Variants in ST3GAL1 observed in about 807,000 individuals in gnomAD.
ST3GAL1 encodes the protein ST3 beta-galactoside alpha-2,3-sialyltransferase 1, also known as CMP-N-acetylneuraminate-beta-galactosamide-alpha-2,3-sialyltransferase 1.
ST3GAL1 carries 16 observed loss-of-function variants against 34.1 expected under a neutral mutation model. The observed-to-expected ratio is 0.47, with a 90% CI of 0.32 to 0.71. The LOEUF (loss-of-function observed/expected upper bound fraction) is 0.71, where lower values mean the gene tolerates loss of function less well. ST3GAL1 is among the 30% of genes least tolerant of loss of function. The pLI, the probability that ST3GAL1 is intolerant of heterozygous loss-of-function variation, is 0.04. For synonymous variants in ST3GAL1, 191 were observed against 184.7 expected (o/e 1.03, Z -0.28); for missense variants, 353 against 447.4 (o/e 0.79, Z 1.90).
chr8:133,550,448 G>A (rs1232148548), intron 1 of ST3GAL1, among the ~76,000 whole-genome samples: 1 of 152,184 alleles, frequency 6.6e-6, no homozygotes, highest in African/African-American at 2.4e-5. Context: ...GGAAACCAAG[G>A]CCCAGAGAAG....
intron 2 of ST3GAL1, among the ~76,000 whole-genome samples, chr8:133,543,428 G>A (rs961166417): frequency 1.3e-5 from 2 of 152,126 alleles, no homozygotes; most frequent in African/African-American, 4.8e-5. Flanking sequence ...GACTTAGAAA[G>A]TTGTGTTCTA....
At chr8:133,494,775 G>A (rs1203290493) in intron 3 of ST3GAL1, among the ~76,000 whole-genome samples, 1 of 152,116 alleles carries the variant, frequency 6.6e-6, no homozygotes, top group African/African-American at 2.4e-5. Context: ...CAGCCTATCT[G>A]CTCTGCCCAG....
chr8:133,518,051 G>T (rs911699712), intron 2 of ST3GAL1, among the ~76,000 whole-genome samples: 2 of 152,184 alleles, frequency 1.3e-5, no homozygotes, highest in African/African-American at 4.8e-5. Context: ...CAACCCATTT[G>T]TGTTACCCAC....
At chr8:133,493,689 A>G (rs1816853078) in intron 3 of ST3GAL1, among the ~76,000 whole-genome samples, 1 of 152,088 alleles carries the variant, frequency 6.6e-6, no homozygotes. Context: ...CACTAGAAAT[A>G]TAAAAAATTA....
intron 3 of ST3GAL1, among the ~76,000 whole-genome samples, chr8:133,498,400 G>A (rs1179909952): frequency 6.6e-6 from 1 of 152,216 alleles, no homozygotes; most frequent in Non-Finnish European, 1.5e-5. Context: ...TCTGGAAAAT[G>A]GGATGATTAT....
At chr8:133,551,296 C>T (rs781342575) in intron 1 of ST3GAL1, among the ~76,000 whole-genome samples, 3 of 151,896 alleles carry the variant, frequency 2.0e-5, no homozygotes, top group African/African-American at 4.8e-5. Context: ...GGTGAAGCCC[C>T]GTCTCTACTA....
chr8:133,540,782 T>TATATATAGAGAC, intron 2 of ST3GAL1, among the ~76,000 whole-genome samples: 2 of 20,688 alleles, frequency 9.7e-5, no homozygotes, highest in Admixed American at 4.7e-4. Context: ...TATAGAGACA[T>TATATATAGAGAC]ATATATATAT....
rs142748411 is a variant in ST3GAL1 at position 133,475,884 on chromosome 8, G to A, written c.141C>T (p.Ser47=). 320 of 1,614,060 alleles carry A rather than the reference G, an allele frequency of 2.0e-4. 1 individual carries two copies. The highest frequency in any genetic ancestry group is 2.1e-4 in the South Asian group (19 of 91,072). Residue 47 remains serine, a synonymous_variant, in exon 5 of 10, where the codon TCC becomes TCT. Transcript: ENST00000522652. ...WFPKQMVLEL[S]ENLKRLIKHR... ...GCTTGATCAGTCTCTTCAGGTTCTC[G>A]GAGAGCTCCAGGACCATCTGCTTGG...
intron 2 of ST3GAL1, among the ~76,000 whole-genome samples, chr8:133,510,631 A>C (rs1157835899): frequency 5.9e-5 from 9 of 152,332 alleles, no homozygotes; most frequent in African/African-American, 2.2e-4. Context: ...TAGTGCCACT[A>C]ATTAATTAGC....
Position 133,569,713 on chromosome 8 carries a change from C to T in ST3GAL1, c.-582+1980G>A, listed in dbSNP as rs563697472. ...GGCAGGAAGGGGAGGTGCGGGAAGG[C>T]ACTGAGGGACCCCCGCACTGGGCGC... On this transcript the variant is annotated intron_variant, in intron 1 of 9. Transcript: ENST00000522652. Among the ~76,000 whole-genome samples the T allele has an allele frequency of 2.0e-5, 3 of 152,200 alleles. No individual in the cohort carries two copies. The East Asian group carries it at 5.8e-4, about 29-fold the overall frequency.
intron 2 of ST3GAL1, among the ~76,000 whole-genome samples, chr8:133,530,914 G>A (rs1049448668): frequency 2.6e-5 from 4 of 152,172 alleles, no homozygotes; most frequent in African/African-American, 9.7e-5. Context: ...AAGAAGATGA[G>A]GAGTGTGGTC....
intron 2 of ST3GAL1, among the ~76,000 whole-genome samples, chr8:133,533,535 C>T (rs557407201): frequency 6.6e-6 from 1 of 152,330 alleles, no homozygotes; most frequent in Admixed American, 6.5e-5. Context: ...GTCTTTTCAT[C>T]CGTGTGTCCA....
chr8:133,566,850 C>CTCCCCTCTCACCCCGTTTTCCTCGT (rs1819417647), intron 1 of ST3GAL1: 1 of 151,958 alleles, frequency 6.6e-6, no homozygotes, highest in Non-Finnish European at 1.5e-5. Context: ...AACTTGCAGG[C>CTCCCCTCTCACCCCGTTTTCCTCGT]TGGCTGCAAG....
intron 1 of ST3GAL1, among the ~76,000 whole-genome samples, chr8:133,553,088 G>T (rs998411486): frequency 6.6e-6 from 1 of 152,082 alleles, no homozygotes; most frequent in Non-Finnish European, 1.5e-5. Context: ...TGTAGAGACG[G>T]CGCCAGGGCT....
At chr8:133,506,980 A>C (rs575668845) in intron 2 of ST3GAL1, among the ~76,000 whole-genome samples, 8 of 151,488 alleles carry the variant, frequency 5.3e-5, no homozygotes, top group Non-Finnish European at 8.8e-5. Flanking sequence ...AAAAATAAAG[A>C]AACTTGGCAA....
intron 2 of ST3GAL1, among the ~76,000 whole-genome samples, chr8:133,509,898 A>G (rs898002300): frequency 2.6e-5 from 4 of 152,054 alleles, no homozygotes; most frequent in African/African-American, 9.7e-5. Context: ...TCTCTACTAA[A>G]AATACAAAAA....
chr8:133,505,603 CT>C (rs974328533), intron 2 of ST3GAL1, among the ~76,000 whole-genome samples: 7 of 141,468 alleles, frequency 4.9e-5, no homozygotes, highest in Admixed American at 4.8e-4. Context: ...TCTTTCTTTT[CT>C]TTTCTTTTTT....
chr8:133,496,830 G>A (rs951638189), intron 3 of ST3GAL1, among the ~76,000 whole-genome samples: 4 of 152,220 alleles, frequency 2.6e-5, no homozygotes, highest in Admixed American at 2.6e-4. Flanking sequence ...AGGGGGATGG[G>A]GCTGTTTTTC....
At chr8:133,517,240 C>T (rs1363294210) in intron 2 of ST3GAL1, among the ~76,000 whole-genome samples, 1 of 152,258 alleles carries the variant, frequency 6.6e-6, no homozygotes, top group Non-Finnish European at 1.5e-5. Flanking sequence ...TGAGCAAGTC[C>T]CTGTCCCTTT....
Sources: gnomAD v4.1 joint callset for allele counts (sites outside exome capture counted in the v4.1 genomes callset) on GRCh38, gnomAD v4.1.1 for gene constraint, MANE v1.5 for transcripts, NCBI Gene and HGNC (gene_info 2026-07-23, HGNC 2026-07-21) for gene names.